The following TAMM41 variants were observed in gnomAD, a reference collection of about 807,000 sequenced individuals.
TAMM41 encodes phosphatidate cytidylyltransferase, mitochondrial.
In TAMM41, 36 loss-of-function variants were observed where a neutral mutation model predicts 44.1. The observed-to-expected ratio is 0.82, with a 90% CI of 0.63 to 1.08. The LOEUF (loss-of-function observed/expected upper bound fraction) is 1.08. Among genes scored for constraint, TAMM41 ranks in the 50% least tolerant of loss-of-function variants. TAMM41 has a pLI of 0.00. For missense variants in TAMM41, 417 were observed against 404.3 expected (o/e 1.03, Z -0.27); for synonymous variants, 164 against 153.1 (o/e 1.07, Z -0.53).
At chr3:11,795,442 T>A (rs916153075) in intron 7 of TAMM41, among the ~76,000 whole-genome samples, 5 of 152,120 alleles carry the variant, frequency 3.3e-5, no homozygotes, top group Non-Finnish European at 7.4e-5. Context: ...ACACGGCAAA[T>A]CTTTCCTGTC....
the TAMM41 span, among the ~76,000 whole-genome samples, chr3:11,736,535 T>C: frequency 6.6e-6 from 1 of 152,226 alleles, no homozygotes; most frequent in Non-Finnish European, 1.5e-5. Flanking sequence ...CCTTGGGCAG[T>C]TCCTCCTGAT....
chr3:11,726,186 A>G, the TAMM41 span, among the ~76,000 whole-genome samples: 1 of 152,208 alleles, frequency 6.6e-6, no homozygotes, highest in African/African-American at 2.4e-5. Context: ...CCCTTTGCTT[A>G]TGATGTACTT....
intron 4 of TAMM41, among the ~76,000 whole-genome samples, chr3:11,819,067 T>G (rs148559009): frequency 6.6e-6 from 1 of 152,192 alleles, no homozygotes; most frequent in East Asian, 1.9e-4. Context: ...GAGAGTTAGA[T>G]AGTTAAAACC....
the TAMM41 span, among the ~76,000 whole-genome samples, chr3:11,741,075 C>T: frequency 6.8e-6 from 1 of 146,926 alleles, no homozygotes; most frequent in African/African-American, 2.7e-5. Context: ...AAAAATTAGC[C>T]AGGCATGGTG....
At chr3:11,769,238 T>C in the TAMM41 span, among the ~76,000 whole-genome samples, 1 of 152,180 alleles carries the variant, frequency 6.6e-6, no homozygotes, top group Admixed American at 6.6e-5. Context: ...TACAGGTGTG[T>C]GCCACCACGC....
intron 4 of TAMM41, among the ~76,000 whole-genome samples, chr3:11,826,371 C>T (rs573547063): frequency 2.6e-5 from 4 of 151,868 alleles, no homozygotes; most frequent in Non-Finnish European, 5.9e-5. Context: ...TGTCGCTACA[C>T]AAACGAAATT....
In TAMM41 at chr3:11,807,342, T is replaced by C; in HGVS notation, c.937+491A>G. ...GAGGGTGGGTGCCAGAGTTGACTTCTAACCTCCCATAGAGAGAAGTCAATA... is the reference window on the plus strand; with the variant it reads ...GAGGGTGGGTGCCAGAGTTGACTTCCAACCTCCCATAGAGAGAAGTCAATA... On this transcript the variant is annotated intron_variant, in intron 7 of 7. Coordinates refer to ENST00000455809, the MANE Select transcript of TAMM41 (RefSeq NM_001284401.2). 4 of 1,461,054 alleles carry C rather than the reference T, an allele frequency of 2.7e-6. No homozygotes were observed. In the East Asian group the frequency reaches 9.9e-5, roughly 36 times the overall value. 90.5% of individuals were successfully genotyped at this position (1,461,054 alleles called of 1,614,324 possible). A position where few individuals can be genotyped will look rare whatever the true frequency, so the allele number is the denominator to read the frequency against.
At chr3:11,761,373 C>T in the TAMM41 span, among the ~76,000 whole-genome samples, 5 of 152,054 alleles carry the variant, frequency 3.3e-5, no homozygotes, top group African/African-American at 1.2e-4. Flanking sequence ...TGCGCTCCAT[C>T]TTTCCTGTCT....
chr3:11,771,772 G>T, the TAMM41 span, among the ~76,000 whole-genome samples: 1 of 151,034 alleles, frequency 6.6e-6, no homozygotes, highest in Non-Finnish European at 1.5e-5. Flanking sequence ...TAGTAGAGAT[G>T]GGGTTTCACC....
At chr3:11,814,891 G>C (rs1366859851) in intron 5 of TAMM41, among the ~76,000 whole-genome samples, 1 of 152,172 alleles carries the variant, frequency 6.6e-6, no homozygotes, top group Non-Finnish European at 1.5e-5. Context: ...TTGAGCTTGG[G>C]AGTTTGAGGT....
the TAMM41 span, among the ~76,000 whole-genome samples, chr3:11,772,282 C>A: frequency 2.0e-5 from 3 of 150,266 alleles, no homozygotes; most frequent in African/African-American, 7.3e-5. Flanking sequence ...GGGCTTTCAC[C>A]GTGTTAGCCA....
chr3:11,764,423 G>A, the TAMM41 span, among the ~76,000 whole-genome samples: 13 of 149,890 alleles, frequency 8.7e-5, no homozygotes, highest in African/African-American at 1.5e-4. Flanking sequence ...CCTTTATCCC[G>A]AAGGCCACAC....
chr3:11,769,552 C>T, the TAMM41 span, among the ~76,000 whole-genome samples: 1 of 152,102 alleles, frequency 6.6e-6, no homozygotes, highest in African/African-American at 2.4e-5. Flanking sequence ...AGCCATAAGA[C>T]AATACATTTA....
At chr3:11,764,025 A>G in the TAMM41 span, among the ~76,000 whole-genome samples, 1 of 152,048 alleles carries the variant, frequency 6.6e-6, no homozygotes, top group African/African-American at 2.4e-5. Context: ...TGTTGTTGAG[A>G]CAGTGTCTAA....
At chr3:11,788,842 CAGG>C (rs1452577775), downstream of TAMM41, among the ~76,000 whole-genome samples, 1 of 152,088 alleles carries the variant, frequency 6.6e-6, no homozygotes, top group African/African-American at 2.4e-5. Flanking sequence ...GACGCTGAAG[CAGG>C]AGAATTGCTT....
chr3:11,743,867 C>G, the TAMM41 span, among the ~76,000 whole-genome samples: 1 of 152,108 alleles, frequency 6.6e-6, no homozygotes, highest in East Asian at 1.9e-4. Context: ...CATGGAACTG[C>G]AGACCTAGTA....
chr3:11,787,509 T>C (rs1369383752), downstream of TAMM41, among the ~76,000 whole-genome samples: 1 of 152,174 alleles, frequency 6.6e-6, no homozygotes, highest in Non-Finnish European at 1.5e-5. Flanking sequence ...TTCTAACAAA[T>C]TCCCTATATT....
chr3:11,742,030 T>G, the TAMM41 span, among the ~76,000 whole-genome samples: 1 of 150,226 alleles, frequency 6.7e-6, no homozygotes, highest in Admixed American at 6.6e-5. Flanking sequence ...GATTTTCCAT[T>G]TAATATTGAC....
At chr3:11,789,916 T>C (rs1040706227), downstream of TAMM41, among the ~76,000 whole-genome samples, 1 of 152,216 alleles carries the variant, frequency 6.6e-6, no homozygotes, top group African/African-American at 2.4e-5. Flanking sequence ...CAAGGCACTC[T>C]GCAGTGGGTT....
Sources: allele counts gnomAD v4.1 joint callset (sites outside exome capture counted in the v4.1 genomes callset), GRCh38; gene constraint gnomAD v4.1.1; transcripts MANE v1.5; gene names NCBI Gene and HGNC (gene_info 2026-07-23, HGNC 2026-07-21).